Variants in LRP5 observed in about 807,000 individuals in gnomAD.
LRP5 encodes LDL receptor related protein 5.
Under a neutral mutation model 154.1 loss-of-function variants are expected in LRP5, and 62 were observed. That is an observed-to-expected ratio of 0.40 (90% CI 0.33 to 0.50). LRP5 has a LOEUF of 0.50. LRP5 is among the 20% of genes least tolerant of loss of function. The pLI is 0.55. For missense variants in LRP5, 1,915 were observed against 2,336.7 expected (o/e 0.82, Z 3.72); for synonymous variants, 966 against 1,011.5 (o/e 0.96, Z 0.85).
chr11:68,365,550 A>G (rs1430437760), intron 4 of LRP5, 21 bp from the exon 5 acceptor site: 58 of 1,613,156 alleles, frequency 3.6e-5, no homozygotes, highest in Non-Finnish European at 4.7e-5. Flanking sequence ...ACCTTCTCTC[A>G]CTCTGTCCTG....
At chr11:68,376,383 G>A (rs1171468272) in intron 5 of LRP5, among the ~76,000 whole-genome samples, 10 of 152,102 alleles carry the variant, frequency 6.6e-5, no homozygotes, top group African/African-American at 2.4e-4. Flanking sequence ...GGGTTTCACC[G>A]TGTTAGCCAG....
rs1368211101 is a variant in LRP5 at position 68,357,779 on chromosome 11, G to A, written c.618G>A (p.Glu206=). 1 of 1,614,102 alleles carries A rather than the reference G, an allele frequency of 6.2e-7. No individual in the cohort carries two copies. The highest frequency in any genetic ancestry group is 8.5e-7 in the Non-Finnish European group (1 of 1,179,986). Residue 206 remains glutamate, a synonymous_variant, in exon 3 of 23, where the codon GAG becomes GAA. Coordinates refer to ENST00000294304, the MANE Select transcript of LRP5 (RefSeq NM_002335.4). ...WPNGLTIDLE[E]QKLYWADAKL... ...ATGGACTGACCATCGACCTGGAGGA[G>A]CAGAAGCTCTACTGGGCTGACGCCA...
intron 5 of LRP5, among the ~76,000 whole-genome samples, chr11:68,377,968 G>A (rs144019000): frequency 0.014 from 2,138 of 152,270 alleles, 15 homozygotes; most frequent in Non-Finnish European, 0.021. Context: ...GGAGGCCTGC[G>A]GTGGGAGCCT....
chr11:68,445,576 C>T, intron 21 of LRP5: 1 of 1,314,350 alleles, frequency 7.6e-7, no homozygotes, highest in Non-Finnish European at 1.0e-6. Flanking sequence ...TCCGCAGGGG[C>T]TCGGATCTGG....
chr11:68,404,473 G>A (rs1452650352), intron 8 of LRP5: 16 of 493,054 alleles, frequency 3.2e-5, no homozygotes, highest in Non-Finnish European at 6.0e-5. Context: ...TCAGATCCCC[G>A]GCTTTAAAAT....
At chr11:68,368,543 T>C (rs2098632329) in intron 5 of LRP5, among the ~76,000 whole-genome samples, 1 of 152,242 alleles carries the variant, frequency 6.6e-6, no homozygotes, top group South Asian at 2.1e-4. Flanking sequence ...TAAGGGGCTG[T>C]CTGCACTTCC....
chr11:68,418,389 G>A (rs1172559066), intron 13 of LRP5, among the ~76,000 whole-genome samples: 3 of 151,548 alleles, frequency 2.0e-5, no homozygotes, highest in African/African-American at 4.8e-5. Context: ...GCAACAGAGC[G>A]AGACGCCATC....
chr11:68,426,022 C>T lies in LRP5; in HGVS notation c.3472C>T (p.Leu1158=). The T allele has an allele frequency of 6.2e-7, 1 of 1,613,320 alleles. No homozygotes were observed. The highest frequency in any genetic ancestry group is 8.5e-7 in the Non-Finnish European group (1 of 1,180,036). The change falls in exon 16 of 23, where the codon CTG becomes TTG. Residue 1158 remains leucine (L), a synonymous_variant. Transcript: ENST00000294304. ...GGAGGACGCCAACATCGTGCAGCCT[C>T]TGGGCCTGACCATCCTTGGCAAGCA... The part of the protein sequence containing the change: ...TLEDANIVQP[L]GLTILGKHLY...
chr11:68,436,272 G>A (rs1193869731), intron 18 of LRP5, among the ~76,000 whole-genome samples: 1 of 152,198 alleles, frequency 6.6e-6, no homozygotes, highest in Non-Finnish European at 1.5e-5. Context: ...GGGCAGGGCA[G>A]GTGGGGAACT....
chr11:68,446,129 C>G (rs2098681295), intron 21 of LRP5, among the ~76,000 whole-genome samples: 1 of 152,226 alleles, frequency 6.6e-6, no homozygotes, highest in Non-Finnish European at 1.5e-5. Flanking sequence ...ACAAAGGGAA[C>G]TGGCCGAAGT....
At chr11:68,328,163 G>A (rs1334963958) in intron 1 of LRP5, among the ~76,000 whole-genome samples, 1 of 152,206 alleles carries the variant, frequency 6.6e-6, no homozygotes, top group Non-Finnish European at 1.5e-5. Flanking sequence ...CGCGGAGCCC[G>A]AGGTGGCATC....
In LRP5 at chr11:68,411,529, C is replaced by T. The variant is rs2153167091; in HGVS notation, c.2412C>T (p.Gly804=). The change falls in exon 11 of 23, where the codon GGC becomes GGT. Residue 804 remains glycine (G), a synonymous_variant. Coordinates refer to ENST00000294304, the MANE Select transcript of LRP5 (RefSeq NM_002335.4). ...TNCMTLVDKV[G]RANDLTIDYA... ...GCATGACGCTGGTGGACAAGGTGGG[C>T]CGGGCCAACGACCTCACCATTGACT... is the stretch of plus-strand genomic sequence containing the variant. 6.2e-7 allele frequency: 1 copy of T among 1,613,778 alleles called. No homozygotes were observed.
In LRP5 at chr11:68,403,583, AC is replaced by A; in HGVS notation, c.1686del (p.Trp563GlyfsTer26). ...TLLGDFIYWT[D>X]WQRRSIERVH... is the part of the protein sequence containing the mutation. Reference sequence around the variant, plus strand: ...CTGGGGGACTTCATCTACTGGACTGACTGGCAGCGCCGCAGCATCGAGCGGG... The same window carrying A: ...CTGGGGGACTTCATCTACTGGACTGATGGCAGCGCCGCAGCATCGAGCGGG... On this transcript the variant is annotated frameshift_variant, in exon 8 of 23. Coordinates refer to ENST00000294304, the MANE Select transcript of LRP5 (RefSeq NM_002335.4). LOFTEE classifies it high-confidence loss of function. 1 of 1,614,134 alleles carries A rather than the reference AC, an allele frequency of 6.2e-7. No homozygotes were observed.
At chr11:68,324,274 T>A (rs1465577393) in intron 1 of LRP5, among the ~76,000 whole-genome samples, 3 of 152,236 alleles carry the variant, frequency 2.0e-5, no homozygotes, top group African/African-American at 7.2e-5. Context: ...TGACAGCATA[T>A]CACCCTGTGG....
At chr11:68,436,553 A>ACC (rs58286192) in intron 18 of LRP5, among the ~76,000 whole-genome samples, 4 of 148,164 alleles carry the variant, frequency 2.7e-5, no homozygotes, top group African/African-American at 7.5e-5. Flanking sequence ...CTTGGCACCC[A>ACC]CCCCCCCACC....
At chr11:68,389,778 A>G in intron 6 of LRP5, 103 bp from the exon 7 acceptor site, 1 of 1,146,142 alleles carries the variant, frequency 8.7e-7, no homozygotes, top group South Asian at 1.2e-5. Flanking sequence ...ACATTTAGCC[A>G]TGTGATGGGG....
At chr11:68,416,967 G>A (rs2098662900) in intron 13 of LRP5, among the ~76,000 whole-genome samples, 1 of 152,182 alleles carries the variant, frequency 6.6e-6, no homozygotes, top group African/African-American at 2.4e-5. Flanking sequence ...AGGGAAAGCG[G>A]GGCCAGGGCA....
At chr11:68,389,783 A>G in intron 6 of LRP5, 98 bp from the exon 7 acceptor site, 2 of 1,237,608 alleles carry the variant, frequency 1.6e-6, no homozygotes, top group South Asian at 2.4e-5. Context: ...TAGCCATGTG[A>G]TGGGGGCCGG....
chr11:68,430,048 C>A (rs902451185), intron 17 of LRP5, among the ~76,000 whole-genome samples: 2 of 152,190 alleles, frequency 1.3e-5, no homozygotes, highest in African/African-American at 4.8e-5. Flanking sequence ...TGTCTCTCTG[C>A]AACTGATTTC....
Sources: gnomAD v4.1 joint callset for allele counts (sites outside exome capture counted in the v4.1 genomes callset) on GRCh38, gnomAD v4.1.1 for gene constraint, MANE v1.5 for transcripts, NCBI Gene and HGNC (gene_info 2026-07-23, HGNC 2026-07-21) for gene names.